ARHGEF12: variants seen among roughly 807,000 people sequenced by gnomAD.
The protein encoded by ARHGEF12 is Rho guanine nucleotide exchange factor 12.
A neutral mutation model predicts 211.2 loss-of-function variants in ARHGEF12; 66 were observed. The observed-to-expected ratio is 0.31, with a 90% CI of 0.26 to 0.38. The LOEUF is 0.38. ARHGEF12 is among the 10% of genes least tolerant of loss of function. The pLI is 1.00. For missense variants in ARHGEF12, 1,429 were observed against 1,869.5 expected (o/e 0.76, Z 4.34); for synonymous variants, 592 against 638.4 (o/e 0.93, Z 1.09).
chr11:120,484,829 T>C (rs1947358119), intron 40 of ARHGEF12, among the ~76,000 whole-genome samples: 1 of 152,154 alleles, frequency 6.6e-6, no homozygotes, highest in South Asian at 2.1e-4. Context: ...TGTGACTCCC[T>C]AGTGTGGAGG....
At chr11:120,379,778 A>AT (rs960769659) in intron 1 of ARHGEF12, among the ~76,000 whole-genome samples, 63 of 152,024 alleles carry the variant, frequency 4.1e-4, no homozygotes, top group Non-Finnish European at 5.7e-4. Flanking sequence ...CATTCTTAGG[A>AT]TAAACCCCAT....
At chr11:120,370,571 A>G (rs1943561420) in intron 1 of ARHGEF12, among the ~76,000 whole-genome samples, 1 of 152,166 alleles carries the variant, frequency 6.6e-6, no homozygotes, top group Non-Finnish European at 1.5e-5. Context: ...GAAAATAGGC[A>G]TATTTATGAT....
chr11:120,472,527 T>G (rs1946898579), intron 30 of ARHGEF12, among the ~76,000 whole-genome samples: 1 of 152,006 alleles, frequency 6.6e-6, no homozygotes, highest in Non-Finnish European at 1.5e-5. Context: ...ACCAATGACT[T>G]TGAAAAGAAG....
At chr11:120,380,845 A>G (rs1036518793) in intron 1 of ARHGEF12, among the ~76,000 whole-genome samples, 1 of 152,174 alleles carries the variant, frequency 6.6e-6, no homozygotes, top group Non-Finnish European at 1.5e-5. Flanking sequence ...GTATGGACTC[A>G]TGTATGTTTA....
chr11:120,337,674 G>A (rs1942395133), intron 1 of ARHGEF12: 2 of 985,416 alleles, frequency 2.0e-6, no homozygotes, highest in Non-Finnish European at 2.4e-6. Flanking sequence ...AGATTCTCAA[G>A]ACAATTACAT....
chr11:120,361,516 AT>A (rs1446083329), intron 1 of ARHGEF12, among the ~76,000 whole-genome samples: 7 of 152,150 alleles, frequency 4.6e-5, no homozygotes, highest in Admixed American at 3.9e-4. Context: ...GTGTCAAGTT[AT>A]TTATTGGACA....
At chr11:120,456,994 C>T in intron 22 of ARHGEF12, 124 bp from the exon 23 acceptor site, 2 of 803,500 alleles carry the variant, frequency 2.5e-6, no homozygotes, top group Non-Finnish European at 3.8e-6. Flanking sequence ...AGTGAACCTG[C>T]AGTTGTTTAA....
chr11:120,465,189 A>G (rs764233024), intron 27 of ARHGEF12, 48 bp from the exon 28 acceptor site: 1 of 1,610,320 alleles, frequency 6.2e-7, no homozygotes, highest in South Asian at 1.1e-5. Context: ...TGGCTTGTAT[A>G]AGCTCAGTTT....
intron 1 of ARHGEF12, among the ~76,000 whole-genome samples, chr11:120,351,951 C>G (rs1205635508): frequency 5.3e-5 from 8 of 152,060 alleles, no homozygotes; most frequent in African/African-American, 1.9e-4. Context: ...AAACAGAAGA[C>G]TTGGGATTAT....
chr11:120,422,374 T>C (rs555826997), intron 6 of ARHGEF12, among the ~76,000 whole-genome samples: 12 of 152,174 alleles, frequency 7.9e-5, no homozygotes, highest in Non-Finnish European at 1.6e-4. Flanking sequence ...GAGACTGCAG[T>C]GCACTTTGAT....
At chr11:120,383,159 G>A (rs1344459725) in intron 1 of ARHGEF12, among the ~76,000 whole-genome samples, 2 of 151,990 alleles carry the variant, frequency 1.3e-5, no homozygotes, top group Non-Finnish European at 2.9e-5. Flanking sequence ...GAGAAACAGT[G>A]TCTTTGGGGG....
chr11:120,459,096 C>T, intron 25 of ARHGEF12, 78 bp from the exon 26 acceptor site: 2 of 1,150,192 alleles, frequency 1.7e-6, no homozygotes, highest in Non-Finnish European at 2.3e-6. Flanking sequence ...TTTGCTACTT[C>T]ACTCCAGCTA....
At chr11:120,468,440 T>C (rs1946769520) in intron 29 of ARHGEF12, among the ~76,000 whole-genome samples, 1 of 152,154 alleles carries the variant, frequency 6.6e-6, no homozygotes, top group Non-Finnish European at 1.5e-5. Context: ...TTTTGTCTTG[T>C]TTTGTTTTGT....
intron 13 of ARHGEF12, among the ~76,000 whole-genome samples, chr11:120,441,136 T>C (rs1766093044): frequency 1.3e-5 from 2 of 152,190 alleles, no homozygotes; most frequent in African/African-American, 4.8e-5. Context: ...ATTGGTGTGT[T>C]GTTTTTCTTT....
At chr11:120,351,455 ATTTTTTTTTT>A (rs1174506359) in intron 1 of ARHGEF12, among the ~76,000 whole-genome samples, 18 of 5,730 alleles carry the variant, frequency 3.1e-3, no homozygotes, top group African/African-American at 9.4e-3. Context: ...ATATATATAT[ATTTTTTTTTT>A]TTTTTTTTTT....
intron 1 of ARHGEF12, among the ~76,000 whole-genome samples, chr11:120,376,577 A>G (rs548377245): frequency 6.6e-6 from 1 of 152,304 alleles, no homozygotes; most frequent in South Asian, 2.1e-4. Context: ...AGACAGGGAT[A>G]CAATGCATGA....
intron 1 of ARHGEF12, among the ~76,000 whole-genome samples, chr11:120,353,065 GAACCATC>G (rs1379390642): frequency 6.6e-6 from 1 of 152,122 alleles, no homozygotes; most frequent in African/African-American, 2.4e-5. Context: ...ATCCCTTTAG[GAACCATC>G]AATTAATCTC....
At chr11:120,459,152 T>A in intron 25 of ARHGEF12, 22 bp from the exon 26 acceptor site, 1 of 1,579,334 alleles carries the variant, frequency 6.3e-7, no homozygotes, top group African/African-American at 1.4e-5. Context: ...AAGGCAACAT[T>A]TCATATCTCT....
chr11:120,412,951 C>T (rs1363269975), intron 4 of ARHGEF12, among the ~76,000 whole-genome samples: 1 of 152,130 alleles, frequency 6.6e-6, no homozygotes, highest in African/African-American at 2.4e-5. Flanking sequence ...CTGCCTTGTC[C>T]ATCATTTTAT....
Sources: allele counts gnomAD v4.1 joint callset (sites outside exome capture counted in the v4.1 genomes callset), GRCh38; gene constraint gnomAD v4.1.1; transcripts MANE v1.5; gene names NCBI Gene and HGNC (gene_info 2026-07-23, HGNC 2026-07-21).